The following ADGRD1 variants were observed in gnomAD, a reference collection of about 807,000 sequenced individuals.
The protein encoded by ADGRD1 is adhesion G protein-coupled receptor D1.
In ADGRD1, 77 loss-of-function variants were observed where a neutral mutation model predicts 113.4. That is an observed-to-expected ratio of 0.68 (90% CI 0.57 to 0.82). The LOEUF (loss-of-function observed/expected upper bound fraction) is 0.82, where lower values mean the gene tolerates loss of function less well. Ranked by LOEUF, ADGRD1 falls within the 40% of genes least tolerant of loss-of-function variation. ADGRD1 has a pLI of 0.00. For synonymous variants in ADGRD1, 474 were observed against 475.0 expected (o/e 1.00, Z 0.03); for missense variants, 1,036 against 1,139.1 (o/e 0.91, Z 1.30).
chr12:130,956,035 C>A (rs1229763239), intron 2 of ADGRD1, among the ~76,000 whole-genome samples: 1 of 152,208 alleles, frequency 6.6e-6, no homozygotes, highest in Non-Finnish European at 1.5e-5. Context: ...GTGATCCAAC[C>A]ACCTCGGCCT....
intron 12 of ADGRD1, among the ~76,000 whole-genome samples, chr12:131,007,958 T>C (rs1389758374): frequency 6.6e-6 from 1 of 152,228 alleles, no homozygotes; most frequent in African/African-American, 2.4e-5. Context: ...ACCTTGTACC[T>C]GTAGCAGAAG....
chr12:130,967,426 T>C (rs1045604829), intron 3 of ADGRD1: 8 of 164,422 alleles, frequency 4.9e-5, no homozygotes, highest in Non-Finnish European at 9.4e-5. Context: ...CAGTTTTCCA[T>C]TTTTATTTTT....
At chr12:131,088,218 G>A (rs984166815) in intron 15 of ADGRD1, among the ~76,000 whole-genome samples, 28 of 152,312 alleles carry the variant, frequency 1.8e-4, no homozygotes, top group African/African-American at 6.3e-4. Flanking sequence ...AGAGGGGGGC[G>A]CTTGCTGGTG....
chr12:131,015,642 A>AGT (rs1432241697), intron 13 of ADGRD1, among the ~76,000 whole-genome samples: 9 of 58,678 alleles, frequency 1.5e-4, no homozygotes, highest in South Asian at 6.1e-4. Flanking sequence ...GGAGATGGGA[A>AGT]TGGAGATGGA....
intron 12 of ADGRD1, among the ~76,000 whole-genome samples, chr12:131,010,675 C>T (rs762726294): frequency 3.9e-5 from 6 of 152,148 alleles, no homozygotes; most frequent in Non-Finnish European, 7.4e-5. Context: ...GCCTGACCAT[C>T]GGTGGGGCTC....
chr12:131,092,867 T>C (rs1249779924), intron 15 of ADGRD1, among the ~76,000 whole-genome samples: 1 of 151,084 alleles, frequency 6.6e-6, no homozygotes, highest in Non-Finnish European at 1.5e-5. Context: ...ACATTTTATC[T>C]AAAATTTGGG....
intron 13 of ADGRD1, among the ~76,000 whole-genome samples, chr12:131,036,257 A>G (rs574877230): frequency 1.3e-5 from 2 of 150,400 alleles, no homozygotes; most frequent in Non-Finnish European, 1.5e-5. Flanking sequence ...CACTGCAGTG[A>G]GTCTCACTCA....
intron 15 of ADGRD1, among the ~76,000 whole-genome samples, chr12:131,089,450 C>T (rs1206842719): frequency 6.6e-6 from 1 of 152,236 alleles, no homozygotes. Context: ...GGCCTTCACA[C>T]AGCCGACCAC....
chr12:131,003,751 T>C lies in ADGRD1; in HGVS notation c.1145-435T>C, dbSNP rs1162706711. ...TACCAGGAGTGCATTATCCTGCTGA[T>C]ACTTCGCTGCAAGAGCCGAGCTGGG... is the stretch of plus-strand genomic sequence containing the variant. On this transcript the variant is annotated intron_variant, in intron 10 of 24. Transcript: ENST00000261654. The surrounding 1 kb of genome is among the most constrained non-coding windows in gnomAD (Gnocchi z 4.8). Among the ~76,000 whole-genome samples, 2 of 152,256 alleles carry C rather than the reference T, an allele frequency of 1.3e-5. No homozygotes were observed. The highest frequency in any genetic ancestry group is 2.9e-5 in the Non-Finnish European group (2 of 68,046).
intron 4 of ADGRD1, among the ~76,000 whole-genome samples, chr12:130,981,601 C>G (rs1873006413): frequency 6.6e-6 from 1 of 152,102 alleles, no homozygotes. Flanking sequence ...GTGAATGAGC[C>G]TCAGTTCCTT....
chr12:130,961,770 C>T (rs1327891906), intron 2 of ADGRD1, among the ~76,000 whole-genome samples: 1 of 152,058 alleles, frequency 6.6e-6, no homozygotes, highest in Non-Finnish European at 1.5e-5. Context: ...CCCATTAGCA[C>T]CACACAATGT....
At chr12:131,053,975 G>A (rs1883631654) in intron 13 of ADGRD1, among the ~76,000 whole-genome samples, 2 of 152,104 alleles carry the variant, frequency 1.3e-5, no homozygotes, top group South Asian at 2.1e-4. Context: ...CCTGGTTATA[G>A]CCCGTCCCAT....
intron 14 of ADGRD1, among the ~76,000 whole-genome samples, chr12:131,079,364 T>C (rs1885892087): frequency 6.6e-6 from 1 of 152,240 alleles, no homozygotes; most frequent in South Asian, 2.1e-4. Context: ...TTGGTCATGA[T>C]GTATTATCTT....
Position 130,979,815 on chromosome 12 carries a change from T to TCACACACACACACA in ADGRD1, c.311-2068_311-2067insACACACACACACAC, listed in dbSNP as rs1491129989. 1.1e-3 allele frequency among the ~76,000 whole-genome samples: 159 copies of TCACACACACACACA among 139,800 alleles called. 1 individual carries two copies. The highest frequency in any genetic ancestry group is 3.7e-3 in the African/African-American group (126 of 34,402). The allele number at this position is 139,800 out of a possible 152,430, so 91.7% of individuals were successfully genotyped here. On this transcript the variant is annotated intron_variant, in intron 4 of 24. Transcript: ENST00000261654. Reference sequence around the variant, plus strand: ...GCAGAATCCAGACAGGCAGCTAGTGTCTCACACACACACACACACACACAC... The same window carrying TCACACACACACACA: ...GCAGAATCCAGACAGGCAGCTAGTGTCACACACACACACACTCACACACACACACACACACACAC...
intron 3 of ADGRD1, chr12:130,967,876 G>A (rs559392284): frequency 3.9e-5 from 6 of 152,356 alleles, no homozygotes; most frequent in African/African-American, 1.4e-4. Flanking sequence ...TTTTCCAAAG[G>A]GTCGGCCTGG....
chr12:131,137,408 C>T (rs573952911), intron 23 of ADGRD1, among the ~76,000 whole-genome samples: 63 of 152,344 alleles, frequency 4.1e-4, no homozygotes, highest in African/African-American at 1.2e-3. Flanking sequence ...GGGCAGCCAG[C>T]GCAGGCTTAT....
In ADGRD1 at chr12:131,109,293, C is replaced by T. The variant is rs1593230661; in HGVS notation, c.2041+416C>T. 3.3e-5 allele frequency among the ~76,000 whole-genome samples: 5 copies of T among 151,940 alleles called. No individual in the cohort carries two copies. In the South Asian group the frequency reaches 1.0e-3, roughly 32 times the overall value. ...AATCTTCATTATTTCCTTTCTTTTG[C>T]TTATTTTAGCTTTAGTTTCTTCTTC... On this transcript the variant is annotated intron_variant, in intron 18 of 24. Coordinates refer to ENST00000261654, the MANE Select transcript of ADGRD1 (RefSeq NM_198827.5).
At chr12:131,101,616 C>T (rs748224731) in intron 15 of ADGRD1, among the ~76,000 whole-genome samples, 2 of 151,914 alleles carry the variant, frequency 1.3e-5, no homozygotes, top group African/African-American at 2.4e-5. Flanking sequence ...TCAAACTCCT[C>T]GCCTCAGGTG....
Position 131,108,799 on chromosome 12 carries a change from C to A in ADGRD1, c.1963C>A (p.Leu655Met), listed in dbSNP as rs1223185374. The change falls in exon 18 of 25, where the codon CTG becomes ATG. Residue 655 changes from leucine (L) to methionine (M), a missense_variant. Transcript: ENST00000261654. ...SAFAWMLVEGLHLYSMVIKVF... is the reference protein window; with the variant it reads ...SAFAWMLVEGMHLYSMVIKVF... ...CTTCGCATGGATGCTGGTGGAGGGG[C>A]TGCACCTCTACAGCATGGTGATCAA... 3.7e-6 allele frequency: 6 copies of A among 1,613,770 alleles called. No homozygotes were observed. The highest frequency in any genetic ancestry group is 4.2e-6 in the Non-Finnish European group (5 of 1,179,994).
Sources: gnomAD v4.1 joint callset for allele counts (sites outside exome capture counted in the v4.1 genomes callset) on GRCh38, gnomAD v4.1.1 for gene constraint, Gnocchi (gnomAD v3.1) non-coding constraint, MANE v1.5 for transcripts, NCBI Gene and HGNC (gene_info 2026-07-23, HGNC 2026-07-21) for gene names.